Variants in LCORL observed in about 807,000 individuals in gnomAD.
LCORL encodes ligand dependent nuclear receptor corepressor like.
A neutral mutation model predicts 141.8 loss-of-function variants in LCORL; 41 were observed. The observed-to-expected ratio is 0.29, with a 90% confidence interval of 0.23 to 0.38. The LOEUF is 0.38. Among genes scored for constraint, LCORL ranks in the 10% least tolerant of loss-of-function variants. The pLI is 1.00. For missense variants in LCORL, 1,759 were observed against 2,035.0 expected (o/e 0.86, Z 2.61); for synonymous variants, 618 against 694.1 (o/e 0.89, Z 1.72).
intron 5 of LCORL, among the ~76,000 whole-genome samples, chr4:17,906,727 GC>G (rs1731696687): frequency 7.9e-6 from 1 of 126,754 alleles, no homozygotes; most frequent in Non-Finnish European, 1.6e-5. Context: ...TTGCTCTGTT[GC>G]CAGGCTGGAA....
At chr4:17,892,209 C>CTTTTTTT (rs1018422638) in intron 5 of LCORL, among the ~76,000 whole-genome samples, 4 of 126,502 alleles carry the variant, frequency 3.2e-5, no homozygotes, top group African/African-American at 5.9e-5. Context: ...TTTTTTTTTT[C>CTTTTTTT]TTTTTTTTTT....
At chr4:17,885,043 T>C (rs756691931) in intron 6 of LCORL, among the ~76,000 whole-genome samples, 15 of 151,974 alleles carry the variant, frequency 9.9e-5, no homozygotes, top group Non-Finnish European at 1.3e-4. Context: ...ATTCCTCTGA[T>C]AGATGCTTGC....
chr4:18,016,038 A>G (rs1159783792), intron 1 of LCORL, among the ~76,000 whole-genome samples: 1 of 152,080 alleles, frequency 6.6e-6, no homozygotes, highest in Non-Finnish European at 1.5e-5. Flanking sequence ...AGTCTAGAAT[A>G]CAGACCATTC....
intron 4 of LCORL, among the ~76,000 whole-genome samples, chr4:17,930,045 CAAT>C (rs1314728543): frequency 6.6e-6 from 1 of 151,978 alleles, no homozygotes; most frequent in East Asian, 1.9e-4. Context: ...AAAATCAAAA[CAAT>C]GAGATACTAT....
chr4:17,927,425 G>A (rs1735325420), intron 4 of LCORL, among the ~76,000 whole-genome samples: 1 of 152,152 alleles, frequency 6.6e-6, no homozygotes, highest in Non-Finnish European at 1.5e-5. Flanking sequence ...TTTTCTTCAA[G>A]AACTTTTCCT....
intron 4 of LCORL, among the ~76,000 whole-genome samples, chr4:17,953,757 ACTATT>A (rs1485250721): frequency 6.6e-6 from 1 of 152,234 alleles, no homozygotes; most frequent in Non-Finnish European, 1.5e-5. Context: ...GGTGCCAGGT[ACTATT>A]CTAGGTGCTA....
At chr4:18,018,382 G>A (rs1724949265) in intron 1 of LCORL, among the ~76,000 whole-genome samples, 1 of 152,090 alleles carries the variant, frequency 6.6e-6, no homozygotes, top group African/African-American at 2.4e-5. Context: ...TAGAAAAACA[G>A]TCAAATTATA....
At chr4:17,965,132 T>G (rs1458522039) in intron 2 of LCORL, among the ~76,000 whole-genome samples, 1 of 152,126 alleles carries the variant, frequency 6.6e-6, no homozygotes, top group African/African-American at 2.4e-5. Flanking sequence ...GTTTACACAG[T>G]CAAATAAATG....
chr4:17,859,739 G>A (rs1724781179), intron 7 of LCORL, among the ~76,000 whole-genome samples: 2 of 152,258 alleles, frequency 1.3e-5, no homozygotes, highest in South Asian at 4.1e-4. Context: ...CAAATGTATG[G>A]TTGTAACAAC....
At chr4:17,859,596 C>A (rs1290250897) in intron 7 of LCORL, among the ~76,000 whole-genome samples, 2 of 152,040 alleles carry the variant, frequency 1.3e-5, no homozygotes, top group Non-Finnish European at 2.9e-5. Flanking sequence ...ATGATAAATT[C>A]ATGGGGAAAA....
intron 4 of LCORL, among the ~76,000 whole-genome samples, chr4:17,952,636 C>T (rs568351014): frequency 3.7e-4 from 56 of 152,146 alleles, no homozygotes; most frequent in African/African-American, 1.3e-3. Context: ...AGGATGGTCT[C>T]GATCTCCTGA....
intron 1 of LCORL, among the ~76,000 whole-genome samples, chr4:18,006,704 T>C (rs893832772): frequency 3.1e-4 from 47 of 152,116 alleles, no homozygotes; most frequent in African/African-American, 1.1e-3. Context: ...TGAGACTCAT[T>C]CACCATCACA....
At chr4:17,918,153 G>T (rs992175139) in intron 4 of LCORL, among the ~76,000 whole-genome samples, 32 of 152,096 alleles carry the variant, frequency 2.1e-4, no homozygotes, top group African/African-American at 7.5e-4. Context: ...AGAATACAAA[G>T]AATACTATCT....
intron 7 of LCORL, among the ~76,000 whole-genome samples, chr4:17,855,598 T>G (rs991649598): frequency 4.6e-5 from 7 of 152,216 alleles, no homozygotes; most frequent in Non-Finnish European, 1.0e-4. Flanking sequence ...TGTCTTCCCA[T>G]TCTGCCTTAC....
At chr4:17,899,868 C>T (rs1014444043) in intron 5 of LCORL, among the ~76,000 whole-genome samples, 1 of 152,110 alleles carries the variant, frequency 6.6e-6, no homozygotes, top group African/African-American at 2.4e-5. Context: ...TACTTTCAGA[C>T]TGCTTGTATA....
chr4:17,849,894 C>G (rs1217473091), intron 7 of LCORL, among the ~76,000 whole-genome samples: 1 of 151,840 alleles, frequency 6.6e-6, no homozygotes, highest in Non-Finnish European at 1.5e-5. Flanking sequence ...TGCAAGGCTA[C>G]AGTAACCAAA....
At chr4:17,906,659 T>C (rs961225688) in intron 5 of LCORL, among the ~76,000 whole-genome samples, 33 of 151,888 alleles carry the variant, frequency 2.2e-4, no homozygotes, top group African/African-American at 7.5e-4. Flanking sequence ...ATCAAAGATC[T>C]AAGGACTGGA....
chr4:17,962,929 G>A (rs769444444), intron 3 of LCORL, 41 bp downstream of exon 3: 3 of 1,047,146 alleles, frequency 2.9e-6, no homozygotes, highest in Admixed American at 2.6e-5. Context: ...TGTTACAATT[G>A]TGCATTAGTT....
intron 1 of LCORL, among the ~76,000 whole-genome samples, chr4:17,977,382 CA>C (rs1271997070): frequency 1.3e-5 from 2 of 152,112 alleles, no homozygotes; most frequent in African/African-American, 2.4e-5. Context: ...TGAAAGTTAC[CA>C]TGGCTGATTC....
Sources: allele counts gnomAD v4.1 joint callset (sites outside exome capture counted in the v4.1 genomes callset), GRCh38; gene constraint gnomAD v4.1.1; transcripts MANE v1.5; gene names NCBI Gene and HGNC (gene_info 2026-07-23, HGNC 2026-07-21).